The following OR6N1 variants were observed in gnomAD, a reference collection of about 807,000 sequenced individuals.
OR6N1 encodes olfactory receptor family 6 subfamily N member 1.
For synonymous variants in OR6N1, 170 were observed against 150.7 expected (o/e 1.13, Z -0.94); for missense variants, 394 against 371.7 (o/e 1.06, Z -0.49).
the OR6N1 span, among the ~76,000 whole-genome samples, chr1:158,829,601 A>T: frequency 1.3e-5 from 2 of 152,130 alleles, no homozygotes; most frequent in African/African-American, 4.8e-5. Context: ...AGTTCCAAAC[A>T]TTCCCACATT....
chr1:158,801,266 T>A, the OR6N1 span, among the ~76,000 whole-genome samples: 2 of 151,790 alleles, frequency 1.3e-5, no homozygotes, highest in African/African-American at 4.8e-5. Context: ...GTGGGTTGGC[T>A]CCTTAAAACA....
At chr1:158,802,267 G>A in the OR6N1 span, among the ~76,000 whole-genome samples, 1 of 147,162 alleles carries the variant, frequency 6.8e-6, no homozygotes, top group Non-Finnish European at 1.5e-5. Context: ...GAGTGCAGTG[G>A]AGCGATCTCG....
the OR6N1 span, among the ~76,000 whole-genome samples, chr1:158,810,835 A>T: frequency 6.6e-6 from 1 of 151,376 alleles, no homozygotes; most frequent in Non-Finnish European, 1.5e-5. Context: ...ATGTGTGTCC[A>T]TTTTTTTTTA....
chr1:158,840,226 T>C, the OR6N1 span, among the ~76,000 whole-genome samples: 1 of 152,262 alleles, frequency 6.6e-6, no homozygotes, highest in Admixed American at 6.5e-5. Flanking sequence ...AGATTAAAAA[T>C]AGCCACTGTA....
chr1:158,805,745 C>G, the OR6N1 span, among the ~76,000 whole-genome samples: 1 of 152,178 alleles, frequency 6.6e-6, no homozygotes, highest in Non-Finnish European at 1.5e-5. Context: ...AAAATACCTT[C>G]TGGTGGAGTT....
At chr1:158,790,498 G>A in the OR6N1 span, among the ~76,000 whole-genome samples, 2,407 of 148,874 alleles carry the variant, frequency 0.016, 23 homozygotes, top group Non-Finnish European at 0.022. Context: ...TCCGCCTCCC[G>A]GGTTCATGCC....
chr1:158,779,618 C>T, the OR6N1 span, among the ~76,000 whole-genome samples: 1 of 152,166 alleles, frequency 6.6e-6, no homozygotes, highest in Non-Finnish European at 1.5e-5. Context: ...CTTCTTGATT[C>T]TCTTCTAACC....
the OR6N1 span, among the ~76,000 whole-genome samples, chr1:158,804,574 T>G: frequency 1.3e-5 from 2 of 152,148 alleles, no homozygotes; most frequent in Non-Finnish European, 2.9e-5. Context: ...ATTGCTACTA[T>G]TTGGAAAAAC....
chr1:158,821,036 C>T, the OR6N1 span, among the ~76,000 whole-genome samples: 2 of 152,272 alleles, frequency 1.3e-5, no homozygotes, highest in Admixed American at 6.5e-5. Flanking sequence ...TATCACAGGG[C>T]GATCACTTTT....
chr1:158,815,001 C>G, the OR6N1 span, among the ~76,000 whole-genome samples: 1 of 152,010 alleles, frequency 6.6e-6, no homozygotes, highest in Non-Finnish European at 1.5e-5. Context: ...TTTAGCACAC[C>G]TGATACACCT....
At chr1:158,786,129 A>G in the OR6N1 span, among the ~76,000 whole-genome samples, 1 of 152,244 alleles carries the variant, frequency 6.6e-6, no homozygotes, top group Non-Finnish European at 1.5e-5. Flanking sequence ...ACTAATATCC[A>G]GAATCTACAA....
chr1:158,788,429 G>A, the OR6N1 span, among the ~76,000 whole-genome samples: 2 of 151,924 alleles, frequency 1.3e-5, no homozygotes, highest in Non-Finnish European at 2.9e-5. Context: ...TAGATTCTAG[G>A]ATGTCATAAA....
the OR6N1 span, among the ~76,000 whole-genome samples, chr1:158,815,514 G>A: frequency 6.6e-6 from 1 of 151,876 alleles, no homozygotes; most frequent in Non-Finnish European, 1.5e-5. Context: ...ATTTTACAAG[G>A]GCCCAGAGAT....
the OR6N1 span, among the ~76,000 whole-genome samples, chr1:158,786,051 A>T: frequency 6.6e-6 from 1 of 152,172 alleles, no homozygotes; most frequent in African/African-American, 2.4e-5. Flanking sequence ...AATAGAAATA[A>T]TCAGCAGAGT....
chr1:158,777,475 G>C, the OR6N1 span: 7 of 1,614,204 alleles, frequency 4.3e-6, no homozygotes, highest in Admixed American at 6.7e-5. Flanking sequence ...TGTGTGCAGA[G>C]CTGCATCCAG....
chr1:158,770,043 T>G (rs1397656093), intron 1 of OR6N1, among the ~76,000 whole-genome samples: 1 of 152,212 alleles, frequency 6.6e-6, no homozygotes, highest in Non-Finnish European at 1.5e-5. Context: ...TAAAAGGTTC[T>G]ATTCTAGAGC....
chr1:158,815,141 G>A, the OR6N1 span, among the ~76,000 whole-genome samples: 1 of 152,122 alleles, frequency 6.6e-6, no homozygotes, highest in African/African-American at 2.4e-5. Context: ...ATCTAAGAAA[G>A]GAAGATGACT....
chr1:158,786,416 C>T, the OR6N1 span, among the ~76,000 whole-genome samples: 1 of 152,140 alleles, frequency 6.6e-6, no homozygotes, highest in African/African-American at 2.4e-5. Flanking sequence ...AGTAGTACAA[C>T]CACTATAAAA....
At chr1:158,777,776 C>G in the OR6N1 span, 2 of 599,526 alleles carry the variant, frequency 3.3e-6, no homozygotes, top group Non-Finnish European at 6.0e-6. Context: ...ACTACTATTA[C>G]TATTACTGTA....
Sources: gnomAD v4.1 joint callset for allele counts (sites outside exome capture counted in the v4.1 genomes callset) on GRCh38, gnomAD v4.1.1 for gene constraint, MANE v1.5 for transcripts, NCBI Gene and HGNC (gene_info 2026-07-23, HGNC 2026-07-21) for gene names.